Variants in PCTP observed in about 807,000 individuals in gnomAD.
PCTP encodes the protein START domain-containing protein 2.
Under a neutral mutation model 31.0 loss-of-function variants are expected in PCTP, and 27 were observed. That is an observed-to-expected ratio of 0.87 (90% CI 0.64 to 1.20). The LOEUF (loss-of-function observed/expected upper bound fraction) is 1.20, where lower values mean the gene tolerates loss of function less well. Ranked by LOEUF, PCTP falls within the 50% of genes most tolerant of loss-of-function variation. The probability of loss-of-function intolerance (pLI) is 0.00; values close to 1 mark genes in which losing one functional copy is unlikely to be tolerated. For synonymous variants in PCTP, 108 were observed against 101.2 expected (o/e 1.07, Z -0.40); for missense variants, 287 against 268.2 (o/e 1.07, Z -0.49).
intron 3 of PCTP, among the ~76,000 whole-genome samples, chr17:55,817,024 G>T (rs1912941871): frequency 6.6e-6 from 1 of 152,206 alleles, no homozygotes; most frequent in Non-Finnish European, 1.5e-5. Context: ...AAAGCTGCAA[G>T]AAAGATGGAG....
At chr17:55,800,738 G>GT (rs1464185168) in intron 3 of PCTP, among the ~76,000 whole-genome samples, 2 of 152,026 alleles carry the variant, frequency 1.3e-5, no homozygotes. Flanking sequence ...TTTTTGCACT[G>GT]TTTTTTTCCT....
At chr17:55,827,385 C>T (rs1438763992), downstream of PCTP, among the ~76,000 whole-genome samples, 1 of 152,236 alleles carries the variant, frequency 6.6e-6, no homozygotes, top group Non-Finnish European at 1.5e-5. Context: ...CTGCCACTGA[C>T]CACAGCTGAC....
intron 3 of PCTP, among the ~76,000 whole-genome samples, chr17:55,803,389 C>T (rs139244090): frequency 0.027 from 4,173 of 152,172 alleles, 184 homozygotes; most frequent in African/African-American, 0.094. Context: ...CAAAAAAGAG[C>T]CCATATAGCC....
intron 1 of PCTP, among the ~76,000 whole-genome samples, chr17:55,753,107 G>T (rs950411394): frequency 1.3e-5 from 2 of 152,264 alleles, no homozygotes; most frequent in Admixed American, 6.5e-5. Context: ...CCACATCAAG[G>T]CTTTGGCCAA....
chr17:55,824,430 CAGTGCATGTCTCAAATTAATT>C (rs1180720665), downstream of PCTP, among the ~76,000 whole-genome samples: 1 of 152,200 alleles, frequency 6.6e-6, no homozygotes. Context: ...TGTTCCATCT[CAGTGCATGTCTCAAATTAATT>C]AGTGCATGTC....
At position 55,796,482 on chromosome 17, in the gene PCTP, G is replaced by T. The variant is rs1015100902; in HGVS notation, c.317+8828G>T. Among the ~76,000 whole-genome samples the T allele has an allele frequency of 2.6e-5, 4 of 152,088 alleles. No homozygotes were observed. In the East Asian group the frequency reaches 7.7e-4, roughly 29 times the overall value. ...AACTTCATCTGGACTCATTGGGAAA[G>T]GCTTCAATCTAAAGAAATGATGCCT... On this transcript the variant is annotated intron_variant, in intron 3 of 3. Transcript: ENST00000572536.
intron 5 of PCTP, among the ~76,000 whole-genome samples, chr17:55,835,288 C>T (rs1905742095): frequency 6.6e-6 from 1 of 152,224 alleles, no homozygotes; most frequent in Non-Finnish European, 1.5e-5. Context: ...GCAGCAAACA[C>T]AGTATTCTTT....
At chr17:55,820,485 T>C (rs2070451756) in intron 3 of PCTP, among the ~76,000 whole-genome samples, 1 of 152,134 alleles carries the variant, frequency 6.6e-6, no homozygotes, top group Non-Finnish European at 1.5e-5. Flanking sequence ...GCCAAGGGGA[T>C]GAATAGCTCC....
At chr17:55,810,247 C>T (rs192699126) in intron 3 of PCTP, among the ~76,000 whole-genome samples, 4 of 152,320 alleles carry the variant, frequency 2.6e-5, no homozygotes, top group Admixed American at 1.3e-4. Context: ...AAACTCCTGG[C>T]CTCAAGTGAT....
At chr17:55,818,470 C>T (rs1365558135) in intron 3 of PCTP, among the ~76,000 whole-genome samples, 1 of 152,178 alleles carries the variant, frequency 6.6e-6, no homozygotes, top group African/African-American at 2.4e-5. Context: ...TTTCCACTTA[C>T]TATGTATGTA....
At chr17:55,793,666 G>A (rs1912082934) in intron 3 of PCTP, among the ~76,000 whole-genome samples, 1 of 152,050 alleles carries the variant, frequency 6.6e-6, no homozygotes, top group Admixed American at 6.6e-5. Context: ...AAACACGATA[G>A]TTGCTTAACT....
rs528974163 is a variant in PCTP at position 55,772,319 on chromosome 17, G to A, written c.339+1134G>A. Among the ~76,000 whole-genome samples, 3 of 152,290 alleles carry A rather than the reference G, an allele frequency of 2.0e-5. No homozygotes were observed. In the South Asian group the frequency reaches 6.2e-4, roughly 32 times the overall value. The stretch of plus-strand genomic sequence containing the variant: ...CACTGAGGTGGGACTGAACGCGGGT[G>A]GCTCACGCCTGTAATCCCAACACTT... On this transcript the variant is annotated intron_variant, in intron 3 of 5. Transcript: ENST00000268896.
intron 5 of PCTP, among the ~76,000 whole-genome samples, chr17:55,838,569 A>G (rs1431240139): frequency 1.3e-5 from 2 of 152,164 alleles, no homozygotes; most frequent in Admixed American, 1.3e-4. Context: ...TCTGTGAGGG[A>G]AAACTTAGCA....
chr17:55,825,733 G>A (rs916587859), downstream of PCTP, among the ~76,000 whole-genome samples: 3 of 152,124 alleles, frequency 2.0e-5, no homozygotes, highest in Non-Finnish European at 4.4e-5. Context: ...GATCCTTAAC[G>A]CATATTTAAA....
intron 1 of PCTP, among the ~76,000 whole-genome samples, chr17:55,752,799 C>T (rs1024300813): frequency 6.6e-6 from 1 of 152,190 alleles, no homozygotes; most frequent in Non-Finnish European, 1.5e-5. Context: ...TTGGGTTTAA[C>T]AAGATGATCA....
intron 5 of PCTP, among the ~76,000 whole-genome samples, chr17:55,838,924 C>G (rs1202694883): frequency 1.3e-5 from 2 of 152,138 alleles, no homozygotes; most frequent in Non-Finnish European, 2.9e-5. Context: ...AATGCTAAGG[C>G]TCGGGGGAAA....
At chr17:55,847,014 A>G (rs1906166446), downstream of PCTP, among the ~76,000 whole-genome samples, 1 of 152,274 alleles carries the variant, frequency 6.6e-6, no homozygotes, top group African/African-American at 2.4e-5. Flanking sequence ...TGTTATCTCA[A>G]GTGTCATGAA....
intron 5 of PCTP, among the ~76,000 whole-genome samples, chr17:55,840,055 A>C (rs1244034025): frequency 6.6e-6 from 1 of 152,066 alleles, no homozygotes; most frequent in Non-Finnish European, 1.5e-5. Flanking sequence ...AACAACAACA[A>C]CAGATTTTTT....
At position 55,777,203 on chromosome 17, in the gene PCTP, A is replaced by T. The variant is rs1911382337; in HGVS notation, c.*1103A>T. 1.0e-6 allele frequency: 1 copy of T among 985,292 alleles called. No individual in the cohort carries two copies. Among genetic ancestry groups the T allele is most frequent in the Non-Finnish European group, 1.2e-6 (1 of 829,582 alleles). The allele number at this position is 985,292 out of a possible 1,614,324, so 61.0% of individuals were successfully genotyped here. On this transcript the variant is annotated 3_prime_UTR_variant, in exon 6 of 6. Coordinates refer to ENST00000268896, the MANE Select transcript of PCTP (RefSeq NM_021213.4). The stretch of plus-strand genomic sequence containing the variant: ...TCAAAGGCACAGCCTTGATGATCTC[A>T]GGGAAAAATTTTAATCACTGTGTAT...
Sources: allele counts gnomAD v4.1 joint callset (sites outside exome capture counted in the v4.1 genomes callset), GRCh38; gene constraint gnomAD v4.1.1; transcripts MANE v1.5; gene names NCBI Gene and HGNC (gene_info 2026-07-23, HGNC 2026-07-21).